Variants in SRFBP1 observed in about 807,000 individuals in gnomAD.
SRFBP1 encodes the protein serum response factor-binding protein 1.
Under a neutral mutation model 45.5 loss-of-function variants are expected in SRFBP1, and 47 were observed. The ratio of observed to expected loss-of-function variants is 1.03; its 90% CI spans 0.82 to 1.32. SRFBP1 has a LOEUF of 1.32. Among genes scored for constraint, SRFBP1 ranks in the 40% most tolerant of loss-of-function variants. SRFBP1 has a pLI of 0.00. For missense variants in SRFBP1, 621 were observed against 484.6 expected (o/e 1.28, Z -2.64); for synonymous variants, 203 against 166.3 (o/e 1.22, Z -1.70).
chr5:122,003,170 C>G (rs1377495960), intron 4 of SRFBP1, among the ~76,000 whole-genome samples: 1 of 151,932 alleles, frequency 6.6e-6, no homozygotes, highest in Non-Finnish European at 1.5e-5. Flanking sequence ...TGGTGAAACC[C>G]TATCTCTACA....
At chr5:122,069,959 T>C (rs754513063) in intron 2 of SRFBP1, 4 of 890,186 alleles carry the variant, frequency 4.5e-6, no homozygotes, top group Non-Finnish European at 7.6e-6. Flanking sequence ...AAAGCTGCTG[T>C]AGTAGCAGAA....
downstream of SRFBP1, among the ~76,000 whole-genome samples, chr5:122,032,509 T>A (rs911988908): frequency 6.6e-6 from 1 of 152,198 alleles, no homozygotes; most frequent in African/African-American, 2.4e-5. Flanking sequence ...TTCTTTCTTA[T>A]GCAAAAATTA....
downstream of SRFBP1, chr5:122,078,054 A>C (rs1406243974): frequency 1.5e-6 from 2 of 1,365,992 alleles, no homozygotes; most frequent in East Asian, 2.8e-5. Context: ...CGGGGCTCAA[A>C]TCACGTGAGG....
At chr5:122,058,746 T>TG (rs1410458289) in intron 2 of SRFBP1, among the ~76,000 whole-genome samples, 1 of 152,172 alleles carries the variant, frequency 6.6e-6, no homozygotes, top group African/African-American at 2.4e-5. Flanking sequence ...CTCATGTTGT[T>TG]GGGGCATTTG....
chr5:121,974,891 A>G lies in SRFBP1; in HGVS notation c.126-424A>G, dbSNP rs115274634. Among the ~76,000 whole-genome samples, 645 of 152,030 alleles carry G rather than the reference A, an allele frequency of 4.2e-3. 9 individuals carry two copies. The highest frequency in any genetic ancestry group is 0.015 in the African/African-American group (622 of 41,536). ...ATTAATTTCCTATTCTTTCATAAAT[A>G]TGTCAGAATATAGCCCTTCTTTATT... is the stretch of plus-strand genomic sequence containing the variant. On this transcript the variant is annotated intron_variant, in intron 2 of 7. Transcript: ENST00000339397.
At chr5:121,973,646 T>A (rs1161295305) in intron 1 of SRFBP1, among the ~76,000 whole-genome samples, 1 of 151,430 alleles carries the variant, frequency 6.6e-6, no homozygotes, top group Non-Finnish European at 1.5e-5. Context: ...TACATGCACA[T>A]ATGCTTGCAC....
At chr5:122,001,746 A>G (rs1032791994) in intron 4 of SRFBP1, among the ~76,000 whole-genome samples, 3 of 151,708 alleles carry the variant, frequency 2.0e-5, no homozygotes, top group African/African-American at 7.3e-5. Flanking sequence ...TATTTTTAGT[A>G]TAGACGGGGT....
chr5:122,039,658 G>C (rs1753742974), intron 2 of SRFBP1, among the ~76,000 whole-genome samples: 2 of 152,126 alleles, frequency 1.3e-5, no homozygotes, highest in Admixed American at 6.5e-5. Context: ...TTTGAAGATG[G>C]TGAAGTTTCT....
chr5:121,997,617 T>C (rs1401234512), intron 4 of SRFBP1, among the ~76,000 whole-genome samples: 1 of 151,664 alleles, frequency 6.6e-6, no homozygotes, highest in Non-Finnish European at 1.5e-5. Flanking sequence ...AAGGACTTCA[T>C]ATCCAAAACA....
At chr5:121,991,499 G>T (rs1752621406) in intron 3 of SRFBP1, among the ~76,000 whole-genome samples, 2 of 152,078 alleles carry the variant, frequency 1.3e-5, no homozygotes, top group African/African-American at 2.4e-5. Flanking sequence ...AGCTATGTGT[G>T]AAATTTTCTG....
Position 121,981,488 on chromosome 5 carries a change from G to C in SRFBP1, c.198+6101G>C, listed in dbSNP as rs552700900. Among the ~76,000 whole-genome samples the C allele has an allele frequency of 1.0e-4, 15 of 150,616 alleles. No homozygotes were observed. The South Asian group carries it at 3.0e-3, about 30-fold the overall frequency. On this transcript the variant is annotated intron_variant, in intron 3 of 7. Transcript: ENST00000339397. ...GACTTCTTCCCTGAATGATATACAAGACCCTTTGTGATCTGTACTCTGGCT... is the reference window on the plus strand; with the variant it reads ...GACTTCTTCCCTGAATGATATACAACACCCTTTGTGATCTGTACTCTGGCT...
At chr5:121,994,241 C>G (rs184243814) in intron 3 of SRFBP1, among the ~76,000 whole-genome samples, 8 of 152,090 alleles carry the variant, frequency 5.3e-5, no homozygotes, top group Non-Finnish European at 1.0e-4. Context: ...TTTGCCTCAG[C>G]TTTGTCTGAA....
intron 3 of SRFBP1, among the ~76,000 whole-genome samples, chr5:121,985,584 A>T (rs1304704378): frequency 3.3e-5 from 5 of 151,866 alleles, no homozygotes; most frequent in Admixed American, 2.6e-4. Flanking sequence ...GCACAGGGGC[A>T]GTGTTTACTG....
chr5:121,975,642 T>C (rs1211612963), intron 3 of SRFBP1, among the ~76,000 whole-genome samples: 1 of 152,014 alleles, frequency 6.6e-6, no homozygotes, highest in Non-Finnish European at 1.5e-5. Context: ...AATTCATCTA[T>C]GTTTAATAAT....
intron 2 of SRFBP1, among the ~76,000 whole-genome samples, chr5:122,062,282 G>A (rs1388599321): frequency 2.0e-5 from 3 of 151,906 alleles, no homozygotes; most frequent in Non-Finnish European, 2.9e-5. Context: ...AATTAAAAAG[G>A]AGTATGGGGA....
At chr5:122,000,082 T>G (rs879348245) in intron 4 of SRFBP1, among the ~76,000 whole-genome samples, 1 of 152,090 alleles carries the variant, frequency 6.6e-6, no homozygotes, top group Non-Finnish European at 1.5e-5. Flanking sequence ...ATTCATTACA[T>G]GTACATATTT....
chr5:122,069,217 T>A (rs760124196), intron 2 of SRFBP1, among the ~76,000 whole-genome samples: 25 of 152,146 alleles, frequency 1.6e-4, no homozygotes, highest in Non-Finnish European at 3.4e-4. Flanking sequence ...CCTGTCTGTA[T>A]GATCCAGTGG....
Position 121,975,351 on chromosome 5 carries a change from G to C in SRFBP1, c.162G>C (p.Arg54=), listed in dbSNP as rs1481147151. ...ATGCACTGTTAAAAAACCAAAGACG[G>C]GCGCAAAGATTGCTTGAAGAAATCC... ...TEDALLKNQR[R]AQRLLEEIHA... is the part of the protein sequence containing the mutation. The change falls in exon 3 of 8, where the codon CGG becomes CGC. Residue 54 remains arginine (R), a synonymous_variant. Transcript: ENST00000339397. The C allele has an allele frequency of 1.2e-6, 2 of 1,613,310 alleles. No homozygotes were observed. Among genetic ancestry groups the C allele is most frequent in the Admixed American group, 1.7e-5 (1 of 59,958 alleles).
At chr5:122,052,414 T>C (rs1754005511) in intron 2 of SRFBP1, among the ~76,000 whole-genome samples, 2 of 152,218 alleles carry the variant, frequency 1.3e-5, no homozygotes, top group Non-Finnish European at 2.9e-5. Flanking sequence ...CTTTACAAAA[T>C]CCTATATTTC....
Sources: gnomAD v4.1 joint callset for allele counts (sites outside exome capture counted in the v4.1 genomes callset) on GRCh38, gnomAD v4.1.1 for gene constraint, MANE v1.5 for transcripts, NCBI Gene and HGNC (gene_info 2026-07-23, HGNC 2026-07-21) for gene names.